The following ZHX2 variants were observed in gnomAD, a reference collection of about 807,000 sequenced individuals.
ZHX2 encodes zinc fingers and homeoboxes protein 2.
Under a neutral mutation model 21.9 loss-of-function variants are expected in ZHX2, and 6 were observed. That is an observed-to-expected ratio of 0.27 (90% CI 0.15 to 0.54). The LOEUF (loss-of-function observed/expected upper bound fraction) is 0.54. ZHX2 is among the 20% of genes least tolerant of loss of function. The probability of loss-of-function intolerance (pLI) is 0.95; values close to 1 mark genes in which losing one functional copy is unlikely to be tolerated. For synonymous variants in ZHX2, 434 were observed against 437.1 expected (o/e 0.99, Z 0.09); for missense variants, 908 against 1,090.7 (o/e 0.83, Z 2.36).
At chr8:122,905,331 C>T (rs1244769491) in intron 2 of ZHX2, among the ~76,000 whole-genome samples, 2 of 152,182 alleles carry the variant, frequency 1.3e-5, no homozygotes, top group Non-Finnish European at 2.9e-5. Context: ...ATGCACAGCA[C>T]CAGATTTCTA....
At chr8:122,858,458 G>A (rs1819083097) in intron 1 of ZHX2, among the ~76,000 whole-genome samples, 1 of 152,026 alleles carries the variant, frequency 6.6e-6, no homozygotes, top group Admixed American at 6.5e-5. Flanking sequence ...GAATATGCGG[G>A]GACTCATGGG....
intron 3 of ZHX2, among the ~76,000 whole-genome samples, chr8:122,957,065 G>T (rs967002027): frequency 5.9e-5 from 9 of 152,252 alleles, no homozygotes; most frequent in African/African-American, 2.2e-4. Flanking sequence ...GGTCGAGGTA[G>T]GTTCTCTGAC....
chr8:122,919,284 A>G (rs1205993317), intron 2 of ZHX2, among the ~76,000 whole-genome samples: 1 of 152,230 alleles, frequency 6.6e-6, no homozygotes, highest in African/African-American at 2.4e-5. Flanking sequence ...AGCTGTAGCC[A>G]TGTGCTGGAT....
intron 3 of ZHX2, among the ~76,000 whole-genome samples, chr8:122,959,577 A>G (rs552296297): frequency 5.3e-5 from 8 of 152,184 alleles, no homozygotes; most frequent in Non-Finnish European, 1.2e-4. Flanking sequence ...GAACCAGAGA[A>G]TTTTAAAAGA....
chr8:122,922,850 G>C (rs766718860), intron 2 of ZHX2, among the ~76,000 whole-genome samples: 3 of 152,204 alleles, frequency 2.0e-5, no homozygotes, highest in Non-Finnish European at 4.4e-5. Context: ...CTAGCAGAGT[G>C]GCCAGCATAG....
intron 1 of ZHX2, among the ~76,000 whole-genome samples, chr8:122,822,570 T>C (rs1485398231): frequency 6.6e-6 from 1 of 152,146 alleles, no homozygotes; most frequent in Non-Finnish European, 1.5e-5. Context: ...AAAAGATGAC[T>C]GGTGAAAAGA....
chr8:122,807,880 G>A (rs1817853909), intron 1 of ZHX2: 1 of 152,180 alleles, frequency 6.6e-6, no homozygotes, highest in Admixed American at 6.5e-5. Flanking sequence ...TCTCTTAACT[G>A]CTGTGCTTAC....
At chr8:122,876,142 A>ATCCC (rs566737359) in intron 2 of ZHX2, among the ~76,000 whole-genome samples, 2 of 137,420 alleles carry the variant, frequency 1.5e-5, no homozygotes, top group Admixed American at 7.9e-5. Flanking sequence ...CCCTCCCTTG[A>ATCCC]TCCCTCCCTC....
At position 122,782,445 on chromosome 8, in the gene ZHX2, C is replaced by T. The variant is rs998758130; in HGVS notation, c.-283+499C>T. Among the ~76,000 whole-genome samples, 2 of 152,102 alleles carry T rather than the reference C, an allele frequency of 1.3e-5. No homozygotes were observed. Among genetic ancestry groups the T allele is most frequent in the Non-Finnish European group, 2.9e-5 (2 of 68,000 alleles). On this transcript the variant is annotated intron_variant, in intron 1 of 3. Transcript: ENST00000314393. This position sits in a 1 kb window ranked among gnomAD's most constrained non-coding sequence, Gnocchi z 5.3. The stretch of plus-strand genomic sequence containing the variant: ...GGGGCAGGTCCCGCGGGGACTCCAC[C>T]GGGACGTGGCCCCGTCTCCGCGCGT...
chr8:122,805,811 T>TCC (rs1817811833), intron 1 of ZHX2, among the ~76,000 whole-genome samples: 1 of 152,148 alleles, frequency 6.6e-6, no homozygotes, highest in East Asian at 1.9e-4. Context: ...CTGTCATTAC[T>TCC]CCTCCCTGTC....
intron 1 of ZHX2, among the ~76,000 whole-genome samples, chr8:122,794,059 C>A (rs1817573632): frequency 6.6e-6 from 1 of 152,198 alleles, no homozygotes; most frequent in South Asian, 2.1e-4. Context: ...GAGCTTTATG[C>A]TTTGATTCTC....
intron 2 of ZHX2, among the ~76,000 whole-genome samples, chr8:122,875,911 A>G (rs1819560642): frequency 6.6e-6 from 1 of 152,232 alleles, no homozygotes; most frequent in African/African-American, 2.4e-5. Context: ...TTCTCTGACA[A>G]AATTCATTTC....
intron 2 of ZHX2, among the ~76,000 whole-genome samples, chr8:122,863,749 T>A (rs1402929733): frequency 6.6e-6 from 1 of 152,164 alleles, no homozygotes; most frequent in Non-Finnish European, 1.5e-5. Flanking sequence ...CCAGGAGCAC[T>A]GGAGCCTGCA....
At chr8:122,916,000 C>G (rs1339830256) in intron 2 of ZHX2, among the ~76,000 whole-genome samples, 4 of 152,190 alleles carry the variant, frequency 2.6e-5, no homozygotes, top group African/African-American at 9.7e-5. Flanking sequence ...CCAGCAGACT[C>G]TAGTTCCCGG....
intron 1 of ZHX2, among the ~76,000 whole-genome samples, chr8:122,856,600 G>A (rs1465591051): frequency 6.6e-6 from 1 of 152,108 alleles, no homozygotes; most frequent in Non-Finnish European, 1.5e-5. Context: ...CGTAATCAAA[G>A]GTGTATTCAT....
At chr8:122,914,645 TTTTC>T (rs1820555843) in intron 2 of ZHX2, among the ~76,000 whole-genome samples, 1 of 152,164 alleles carries the variant, frequency 6.6e-6, no homozygotes, top group African/African-American at 2.4e-5. Flanking sequence ...TCGCAACCAA[TTTTC>T]TTTCTTTATT....
At chr8:122,890,367 G>T (rs1425250762) in intron 2 of ZHX2, among the ~76,000 whole-genome samples, 3 of 151,846 alleles carry the variant, frequency 2.0e-5, no homozygotes, top group African/African-American at 7.3e-5. Context: ...ATAGCTTTGT[G>T]GCATATTTTG....
At chr8:122,942,577 T>A (rs558252481) in intron 2 of ZHX2, among the ~76,000 whole-genome samples, 1 of 152,162 alleles carries the variant, frequency 6.6e-6, no homozygotes, top group South Asian at 2.1e-4. Flanking sequence ...GCTCTGCAGC[T>A]CCCTCTGGCC....
At chr8:122,855,584 G>A (rs998848565) in intron 1 of ZHX2, among the ~76,000 whole-genome samples, 7 of 151,908 alleles carry the variant, frequency 4.6e-5, no homozygotes, top group Non-Finnish European at 1.0e-4. Context: ...TGACAAATTT[G>A]GAATGTGTTA....
Sources: allele counts gnomAD v4.1 joint callset (sites outside exome capture counted in the v4.1 genomes callset), GRCh38; gene constraint gnomAD v4.1.1; non-coding constraint Gnocchi (gnomAD v3.1); transcripts MANE v1.5; gene names NCBI Gene and HGNC (gene_info 2026-07-23, HGNC 2026-07-21).